Variants in ABLIM1 observed in about 807,000 individuals in gnomAD.
ABLIM1 encodes actin-binding LIM protein 1.
A neutral mutation model predicts 107.0 loss-of-function variants in ABLIM1; 40 were observed. The observed-to-expected ratio is 0.37, with a 90% CI of 0.29 to 0.49. The LOEUF is 0.49. Among genes scored for constraint, ABLIM1 ranks in the 20% least tolerant of loss-of-function variants. ABLIM1 has a pLI of 0.97. For missense variants in ABLIM1, 857 were observed against 1,008.5 expected, an observed-to-expected ratio of 0.85 and a Z score of 2.04; for synonymous variants, 357 against 357.3, an observed-to-expected ratio of 1.00 and a Z score of 0.01.
rs563207313 is a variant in ABLIM1, at chr10:114,639,964, A to T, written c.244+17993T>A. Among the ~76,000 whole-genome samples the T allele has an allele frequency of 2.0e-5, 3 of 152,338 alleles. No individual in the cohort carries two copies. The South Asian group carries it at 6.2e-4, about 32-fold the overall frequency. ...TGTGTTATATCCATAACTGAGTCAC[A>T]TTCCACTCAAACCAGGATGCTTGCT... On this transcript the variant is annotated intron_variant, in intron 1 of 22. Coordinates refer to ENST00000533213, the MANE Select transcript of ABLIM1 (RefSeq NM_002313.7).
chr10:114,637,633 C>T (rs1053179714), intron 1 of ABLIM1, among the ~76,000 whole-genome samples: 6 of 152,246 alleles, frequency 3.9e-5, no homozygotes, highest in East Asian at 1.9e-4. Flanking sequence ...CAAGAAAAAT[C>T]GTGAAAATTA....
intron 2 of ABLIM1, among the ~76,000 whole-genome samples, chr10:114,597,875 T>C (rs1403455653): frequency 6.6e-6 from 1 of 152,144 alleles, no homozygotes; most frequent in African/African-American, 2.4e-5. Flanking sequence ...GGCAAGAATT[T>C]GGAGTGAGGG....
intron 1 of ABLIM1, among the ~76,000 whole-genome samples, chr10:114,741,371 G>A (rs896279766): frequency 6.6e-6 from 1 of 151,436 alleles, no homozygotes; most frequent in Non-Finnish European, 1.5e-5. Flanking sequence ...GACTATGGAC[G>A]CCTGCCACCA....
intron 10 of ABLIM1, among the ~76,000 whole-genome samples, chr10:114,471,540 T>C (rs912344543): frequency 1.1e-4 from 16 of 152,096 alleles, no homozygotes; most frequent in East Asian, 1.9e-4. Flanking sequence ...CAGCTACAGC[T>C]AAGTGACCAC....
intron 1 of ABLIM1, among the ~76,000 whole-genome samples, chr10:114,752,569 T>C (rs1259388628): frequency 6.6e-6 from 1 of 152,210 alleles, no homozygotes; most frequent in Non-Finnish European, 1.5e-5. Context: ...ATTAGCTATT[T>C]TTCCTAAAGC....
chr10:114,670,546 T>A lies in ABLIM1; in HGVS notation c.64+13744A>T, dbSNP rs566573804. Among the ~76,000 whole-genome samples, 18 of 152,280 alleles carry A rather than the reference T, an allele frequency of 1.2e-4. 2 individuals carry two copies. The South Asian group carries it at 2.7e-3, about 23-fold the overall frequency. ...AGGGTCTTGCTCCCTCATCCAGGAG[T>A]GCAGCAACTCGATCTTGGCTCACTG... On this transcript the variant is annotated intron_variant, in intron 1 of 23. Coordinates refer to the ABLIM1 transcript ENST00000369256.
intron 6 of ABLIM1, among the ~76,000 whole-genome samples, chr10:114,501,839 A>T (rs61867861): frequency 0.018 from 2,702 of 152,284 alleles, 41 homozygotes; most frequent in East Asian, 0.059. Context: ...TTGATACATC[A>T]TTATCATCCA....
At chr10:114,696,054 A>T (rs2081187928) in intron 1 of ABLIM1, among the ~76,000 whole-genome samples, 1 of 152,164 alleles carries the variant, frequency 6.6e-6, no homozygotes, top group Admixed American at 6.5e-5. Context: ...TTGATATCCA[A>T]ATAGTTTAGA....
At chr10:114,622,736 C>G (rs2077547301) in intron 1 of ABLIM1, among the ~76,000 whole-genome samples, 2 of 152,168 alleles carry the variant, frequency 1.3e-5, no homozygotes, top group African/African-American at 2.4e-5. Context: ...ACCCCTGAGA[C>G]AGCAAGACCA....
chr10:114,730,160 GGCCAAA>G (rs978754764), intron 1 of ABLIM1, among the ~76,000 whole-genome samples: 2 of 152,164 alleles, frequency 1.3e-5, no homozygotes, highest in African/African-American at 4.8e-5. Flanking sequence ...CACTTTGGGA[GGCCAAA>G]GCAGGTGGAT....
At chr10:114,666,649 T>A (rs952476268) in intron 1 of ABLIM1, among the ~76,000 whole-genome samples, 8 of 147,204 alleles carry the variant, frequency 5.4e-5, no homozygotes, top group Non-Finnish European at 3.0e-5. Context: ...GGTTACTTCA[T>A]CTGTAAAACA....
rs1291281066 is a variant in ABLIM1 at position 114,431,123 on chromosome 10, C to T, written c.*5137G>A. 3 of 152,206 alleles carry T rather than the reference C, an allele frequency of 2.0e-5. No individual in the cohort carries two copies. Among genetic ancestry groups the T allele is most frequent in the Non-Finnish European group, 4.4e-5 (3 of 68,050 alleles). The allele number at this position is 152,206 out of a possible 1,614,324, so 9.4% of individuals were successfully genotyped here. A position where few individuals can be genotyped will look rare whatever the true frequency, so the allele number is the denominator to read the frequency against. On this transcript the variant is annotated 3_prime_UTR_variant, in exon 23 of 23. Coordinates refer to ENST00000533213, the MANE Select transcript of ABLIM1 (RefSeq NM_002313.7). The stretch of plus-strand genomic sequence containing the variant: ...GGTATGGAGGCATCTACGAATAAAG[C>T]ACACAACTTTATTCACGAAGTTGTG...
At chr10:114,494,280 C>T (rs2059392350) in intron 6 of ABLIM1, among the ~76,000 whole-genome samples, 1 of 152,232 alleles carries the variant, frequency 6.6e-6, no homozygotes, top group Non-Finnish European at 1.5e-5. Context: ...TGCCTCTAAT[C>T]CCAGCACTTT....
intron 1 of ABLIM1, among the ~76,000 whole-genome samples, chr10:114,700,496 A>T (rs932208979): frequency 7.6e-6 from 1 of 130,926 alleles, no homozygotes; most frequent in Non-Finnish European, 1.7e-5. Context: ...ATTAAAACAC[A>T]CACACACACA....
the ABLIM1 span, among the ~76,000 whole-genome samples, chr10:114,793,905 G>A: frequency 6.6e-6 from 1 of 152,218 alleles, no homozygotes; most frequent in Non-Finnish European, 1.5e-5. Flanking sequence ...CCTCACAGGT[G>A]TTCCTCTTAA....
At chr10:114,712,064 C>T (rs1388603399) in intron 1 of ABLIM1, among the ~76,000 whole-genome samples, 1 of 151,958 alleles carries the variant, frequency 6.6e-6, no homozygotes, top group Admixed American at 6.6e-5. Context: ...TTACAAAGTA[C>T]ATTAATGGCT....
At chr10:114,755,080 G>A (rs1427288417) in intron 1 of ABLIM1, among the ~76,000 whole-genome samples, 5 of 152,164 alleles carry the variant, frequency 3.3e-5, no homozygotes, top group African/African-American at 1.2e-4. Flanking sequence ...ACTGGTGCCA[G>A]TCCATAGCCT....
At chr10:114,473,595 A>AT (rs3215698) in intron 9 of ABLIM1, among the ~76,000 whole-genome samples, 4 of 150,748 alleles carry the variant, frequency 2.7e-5, no homozygotes, top group African/African-American at 4.9e-5. Context: ...AGGTGCAAGA[A>AT]TTTTTTTTTT....
At chr10:114,791,420 C>T in the ABLIM1 span, among the ~76,000 whole-genome samples, 15 of 152,176 alleles carry the variant, frequency 9.9e-5, 1 homozygote, top group South Asian at 1.0e-3. Context: ...CGGCGGATCA[C>T]GAGGTCAGGA....
Sources: gnomAD v4.1 joint callset for allele counts (sites outside exome capture counted in the v4.1 genomes callset) on GRCh38, gnomAD v4.1.1 for gene constraint, MANE v1.5 for transcripts, NCBI Gene and HGNC (gene_info 2026-07-23, HGNC 2026-07-21) for gene names.